CREB3L2: variants seen among roughly 807,000 people sequenced by gnomAD.
CREB3L2 encodes cyclic AMP-responsive element-binding protein 3-like protein 2.
A neutral mutation model predicts 57.2 loss-of-function variants in CREB3L2; 23 were observed. That is an observed-to-expected ratio of 0.40 (90% confidence interval 0.29 to 0.57). The LOEUF (loss-of-function observed/expected upper bound fraction) is 0.57, where lower values mean the gene tolerates loss of function less well. CREB3L2 is among the 20% of genes least tolerant of loss of function. The pLI is 0.42. For synonymous variants in CREB3L2, 268 were observed against 265.1 expected, an observed-to-expected ratio of 1.01 and a Z score of -0.11; for missense variants, 628 against 634.7, an observed-to-expected ratio of 0.99 and a Z score of 0.11.
At chr7:137,914,049 C>T (rs927964260) in intron 3 of CREB3L2, among the ~76,000 whole-genome samples, 4 of 151,982 alleles carry the variant, frequency 2.6e-5, no homozygotes, top group African/African-American at 9.7e-5. Context: ...AAAATGGGAA[C>T]TAAATTTTAA....
At chr7:137,922,404 ATATATATATATG>A (rs1451011118) in intron 2 of CREB3L2, among the ~76,000 whole-genome samples, 1,061 of 21,254 alleles carry the variant, frequency 0.05, 32 homozygotes, top group East Asian at 0.17. Context: ...ATATATATAT[ATATATATATATG>A]TATATATATA....
chr7:137,878,583 C>T lies in CREB3L2; in HGVS notation c.*1893G>A, dbSNP rs914765773. The T allele has an allele frequency of 4.3e-6, 1 of 233,672 alleles. No homozygotes were observed. Among genetic ancestry groups the T allele is most frequent in the Non-Finnish European group, 8.4e-6 (1 of 118,512 alleles). The allele number at this position is 233,672 out of a possible 1,614,324, so 14.5% of individuals were successfully genotyped here. ...CCTCCTCCTGCACAGCTCAGACAGT[C>T]TCCGCCCTGGCTAATGGGAGGGACA... is the stretch of plus-strand genomic sequence containing the variant. On this transcript the variant is annotated 3_prime_UTR_variant, in exon 12 of 12. Transcript: ENST00000330387.
chr7:137,971,677 A>AT (rs1331060064), intron 1 of CREB3L2, among the ~76,000 whole-genome samples: 1 of 146,360 alleles, frequency 6.8e-6, no homozygotes, highest in African/African-American at 2.7e-5. Context: ...TCTGGATGGT[A>AT]CAAAAAAAAA....
intron 1 of CREB3L2, among the ~76,000 whole-genome samples, chr7:137,959,068 C>A (rs752548857): frequency 3.9e-5 from 6 of 152,192 alleles, no homozygotes; most frequent in Non-Finnish European, 8.8e-5. Flanking sequence ...CTCCAAGAGA[C>A]CAGAATTGAC....
At chr7:137,955,627 A>T (rs1801194739) in intron 1 of CREB3L2, among the ~76,000 whole-genome samples, 2 of 152,204 alleles carry the variant, frequency 1.3e-5, no homozygotes, top group African/African-American at 4.8e-5. Context: ...GTAAATCTGC[A>T]ATCTTGGCCT....
chr7:137,901,761 C>T (rs1799763259), intron 7 of CREB3L2, among the ~76,000 whole-genome samples: 1 of 150,746 alleles, frequency 6.6e-6, no homozygotes, highest in African/African-American at 2.4e-5. Context: ...TGCCTGTAAT[C>T]CCAGCTACTC....
chr7:137,902,428 G>A (rs1033836680), intron 7 of CREB3L2, among the ~76,000 whole-genome samples: 15 of 152,204 alleles, frequency 9.9e-5, no homozygotes, highest in African/African-American at 3.6e-4. Flanking sequence ...TAAGCAAAGG[G>A]CAGGACGAGA....
At chr7:137,943,066 G>GT (rs539943930) in intron 1 of CREB3L2, among the ~76,000 whole-genome samples, 169 of 152,244 alleles carry the variant, frequency 1.1e-3, no homozygotes, top group African/African-American at 4.0e-3. Flanking sequence ...AAACGCTTGG[G>GT]TTTTAGACCT....
chr7:137,997,719 C>T (rs1802010103), intron 1 of CREB3L2, among the ~76,000 whole-genome samples: 1 of 134,710 alleles, frequency 7.4e-6, no homozygotes, highest in South Asian at 2.8e-4. Flanking sequence ...CAGAACAAGA[C>T]CCATCTCAAA....
intron 8 of CREB3L2, among the ~76,000 whole-genome samples, chr7:137,897,368 G>GATT (rs747081327): frequency 3.0e-4 from 45 of 152,054 alleles, no homozygotes; most frequent in Non-Finnish European, 5.4e-4. Context: ...GCATGAAGTA[G>GATT]ATTATTATTA....
chr7:137,984,930 T>A (rs1801767870), intron 1 of CREB3L2, among the ~76,000 whole-genome samples: 1 of 152,220 alleles, frequency 6.6e-6, no homozygotes, highest in Non-Finnish European at 1.5e-5. Context: ...TCATTAAAGC[T>A]TGTCAGCCTC....
chr7:137,889,095 A>T (rs1359803076), intron 8 of CREB3L2, among the ~76,000 whole-genome samples: 4 of 150,720 alleles, frequency 2.7e-5, no homozygotes, highest in African/African-American at 9.7e-5. Context: ...AATAGCTTTA[A>T]AAAAAAAATC....
At chr7:137,884,771 G>A in intron 10 of CREB3L2, 1 of 633,002 alleles carries the variant, frequency 1.6e-6, no homozygotes, top group South Asian at 1.9e-5. Flanking sequence ...ACAGCAGTTT[G>A]CAAACTGTGC....
At chr7:137,997,692 C>G (rs1802009652) in intron 1 of CREB3L2, among the ~76,000 whole-genome samples, 1 of 152,100 alleles carries the variant, frequency 6.6e-6, no homozygotes, top group South Asian at 2.1e-4. Flanking sequence ...TGAGCAACTG[C>G]ACTCTAGTCT....
rs1267108703 is a variant in CREB3L2 at position 137,878,099 on chromosome 7, A to C, written c.*2377T>G. 1 of 230,552 alleles carries C rather than the reference A, an allele frequency of 4.3e-6. No homozygotes were observed. The highest frequency in any genetic ancestry group is 8.6e-6 in the Non-Finnish European group (1 of 116,544). 14.3% of individuals were successfully genotyped at this position (230,552 alleles called of 1,614,324 possible). A position where few individuals can be genotyped will look rare whatever the true frequency, so the allele number is the denominator to read the frequency against. Reference sequence around the variant, plus strand: ...CCGTTTTGGAAGGATGGTTTCCCAGAGAAAGAGTCCTGCTGTTTGGAGGTC... The same window carrying C: ...CCGTTTTGGAAGGATGGTTTCCCAGCGAAAGAGTCCTGCTGTTTGGAGGTC... On this transcript the variant is annotated 3_prime_UTR_variant, in exon 12 of 12. Transcript: ENST00000330387.
At chr7:137,892,606 C>T (rs970456432) in intron 8 of CREB3L2, among the ~76,000 whole-genome samples, 6 of 152,194 alleles carry the variant, frequency 3.9e-5, no homozygotes, top group South Asian at 4.1e-4. Flanking sequence ...GCCGAGATCA[C>T]GCCACTGCAC....
chr7:137,877,123 C>T lies in CREB3L2; in HGVS notation c.*3353G>A. On this transcript the variant is annotated 3_prime_UTR_variant, in exon 12 of 12. Coordinates refer to ENST00000330387, the MANE Select transcript of CREB3L2 (RefSeq NM_194071.4). ...CTGCCAGAACAAAGAAGAGCCAATTCAACATCCCAACTTTACGGGCACGTA... is the reference window on the plus strand; with the variant it reads ...CTGCCAGAACAAAGAAGAGCCAATTTAACATCCCAACTTTACGGGCACGTA... 1 of 228,030 alleles carries T rather than the reference C, an allele frequency of 4.4e-6. No individual in the cohort carries two copies. The highest frequency in any genetic ancestry group is 6.2e-5 in the East Asian group (1 of 16,026). 14.1% of individuals were successfully genotyped at this position (228,030 alleles called of 1,614,324 possible). A position where few individuals can be genotyped will look rare whatever the true frequency, so the allele number is the denominator to read the frequency against.
intron 1 of CREB3L2, among the ~76,000 whole-genome samples, chr7:137,959,473 T>C (rs780658370): frequency 3.3e-5 from 5 of 152,188 alleles, no homozygotes; most frequent in Non-Finnish European, 5.9e-5. Flanking sequence ...TGAACCCAGC[T>C]GAAACCAGCA....
Position 137,883,170 on chromosome 7 carries a change from T to A in CREB3L2, c.1271-542A>T, listed in dbSNP as rs536577981. Among the ~76,000 whole-genome samples, 60 of 152,352 alleles carry A rather than the reference T, an allele frequency of 3.9e-4. No homozygotes were observed. The South Asian group carries it at 0.012, about 30-fold the overall frequency. On this transcript the variant is annotated intron_variant, in intron 10 of 11. Transcript: ENST00000330387. Reference sequence around the variant, plus strand: ...GGCTCTGTAGCAATTTTCCATGACATAGAAACTATGCTTCCAATTAAATTT... The same window carrying A: ...GGCTCTGTAGCAATTTTCCATGACAAAGAAACTATGCTTCCAATTAAATTT...
Sources: allele counts gnomAD v4.1 joint callset (sites outside exome capture counted in the v4.1 genomes callset), GRCh38; gene constraint gnomAD v4.1.1; transcripts MANE v1.5; gene names NCBI Gene and HGNC (gene_info 2026-07-23, HGNC 2026-07-21).